The following C16orf78 variants were observed in gnomAD, a reference collection of about 807,000 sequenced individuals.
The protein encoded by C16orf78 is chromosome 16 open reading frame 78.
C16orf78 carries 19 observed loss-of-function variants against 27.3 expected under a neutral mutation model. That is an observed-to-expected ratio of 0.70 (90% CI 0.49 to 1.02). The LOEUF (loss-of-function observed/expected upper bound fraction) is 1.02. C16orf78 is among the 50% of genes least tolerant of loss of function. The pLI is 0.00. For missense variants in C16orf78, 339 were observed against 337.0 expected (o/e 1.01, Z -0.05); for synonymous variants, 130 against 116.1 (o/e 1.12, Z -0.77).
At chr16:49,388,665 C>T (rs969979637) in intron 3 of C16orf78, among the ~76,000 whole-genome samples, 1 of 152,140 alleles carries the variant, frequency 6.6e-6, no homozygotes, top group African/African-American at 2.4e-5. Flanking sequence ...GTGCACGCCA[C>T]CATGGCCAGC....
rs1965240320 is a variant in C16orf78 at position 49,377,859 on chromosome 16, G to A, written c.270+9G>A. 1.9e-6 allele frequency: 3 copies of A among 1,563,240 alleles called. No homozygotes were observed. Among genetic ancestry groups the A allele is most frequent in the Admixed American group, 1.9e-5 (1 of 52,820 alleles). On this transcript the variant is annotated intron_variant, in intron 2 of 4. Coordinates refer to ENST00000299191, the MANE Select transcript of C16orf78 (RefSeq NM_144602.4). ...CGGAGACTTCCCAGCAGGTAATGCA[G>A]CCCCTCTTCCCCCACTCACCCCCAC...
At chr16:49,378,433 G>T in intron 2 of C16orf78, 37 bp from the exon 3 acceptor site, 1 of 1,546,504 alleles carries the variant, frequency 6.5e-7, no homozygotes, top group Non-Finnish European at 8.7e-7. Context: ...GCCAGGTCCT[G>T]TAACTGGGGT....
At chr16:49,392,834 C>CT (rs1361712098) in intron 3 of C16orf78, among the ~76,000 whole-genome samples, 1 of 152,154 alleles carries the variant, frequency 6.6e-6, no homozygotes, top group East Asian at 1.9e-4. Flanking sequence ...TGTCCCCACC[C>CT]AAACCTCATC....
At chr16:49,376,399 G>A (rs1022108774) in intron 1 of C16orf78, among the ~76,000 whole-genome samples, 1 of 152,224 alleles carries the variant, frequency 6.6e-6, no homozygotes, top group Admixed American at 6.5e-5. Flanking sequence ...AATGGGGGCT[G>A]TGTGGGGAGC....
chr16:49,386,823 A>G (rs1304411810), intron 3 of C16orf78, among the ~76,000 whole-genome samples: 3 of 152,200 alleles, frequency 2.0e-5, no homozygotes, highest in South Asian at 2.1e-4. Context: ...TATATGTACC[A>G]TATTTTCTTT....
chr16:49,386,818 G>A (rs941920412), intron 3 of C16orf78, among the ~76,000 whole-genome samples: 1 of 152,136 alleles, frequency 6.6e-6, no homozygotes. Context: ...TGGTGTATAT[G>A]TACCATATTT....
At chr16:49,383,375 A>G (rs1965310559) in intron 3 of C16orf78, among the ~76,000 whole-genome samples, 2 of 152,228 alleles carry the variant, frequency 1.3e-5, no homozygotes, top group African/African-American at 4.8e-5. Flanking sequence ...CACCATGCCC[A>G]ATGTTAGCTT....
rs368241343 is a variant in C16orf78, at chr16:49,373,954, A to G, written c.15A>G (p.Gln5=). 2.0e-5 allele frequency: 32 copies of G among 1,614,150 alleles called. No homozygotes were observed. The African/African-American group carries it at 3.2e-4, about 16-fold the overall frequency. ...AAGACTCCACAATGTCAGAGCAACA[A>G]ATGGACCTGAAGGATTTAATGCCCA... is the stretch of plus-strand genomic sequence containing the variant. The part of the protein sequence containing the change: MSEQ[Q]MDLKDLMPTK... Residue 5 remains glutamine (Q), a synonymous_variant, in exon 1 of 5, where the codon CAA becomes CAG. Transcript: ENST00000299191.
intron 3 of C16orf78, among the ~76,000 whole-genome samples, chr16:49,392,136 T>C (rs1283589836): frequency 1.3e-5 from 2 of 152,142 alleles, no homozygotes; most frequent in Admixed American, 1.3e-4. Flanking sequence ...ACTTTGTTGA[T>C]GAAATCTTAC....
intron 1 of C16orf78, 49 bp from the exon 2 acceptor site, chr16:49,377,681 TG>T: frequency 6.3e-7 from 1 of 1,577,732 alleles, no homozygotes; most frequent in African/African-American, 1.3e-5. Context: ...AGGGAGGGGA[TG>T]CTGTCCCCAC....
At chr16:49,392,702 C>A (rs1049942525) in intron 3 of C16orf78, among the ~76,000 whole-genome samples, 3 of 152,056 alleles carry the variant, frequency 2.0e-5, no homozygotes, top group African/African-American at 7.2e-5. Context: ...TATTTTATTT[C>A]GACTTTTAGG....
intron 3 of C16orf78, among the ~76,000 whole-genome samples, chr16:49,394,844 A>T (rs961101846): frequency 3.9e-5 from 6 of 152,094 alleles, no homozygotes; most frequent in African/African-American, 1.4e-4. Flanking sequence ...GGTATACTAG[A>T]CAACTATAGT....
Position 49,396,693 on chromosome 16 carries a change from C to T in C16orf78, c.650+15C>T. The T allele has an allele frequency of 6.2e-7, 1 of 1,601,724 alleles. No individual in the cohort carries two copies. Among genetic ancestry groups the T allele is most frequent in the Non-Finnish European group, 8.5e-7 (1 of 1,179,056 alleles). ...CTGAGCTGCCGGTGAGAGCTGCCAC[C>T]CCCTGGGCAGATGGGGTGGGGTCCT... On this transcript the variant is annotated intron_variant, in intron 4 of 4. Coordinates refer to ENST00000299191, the MANE Select transcript of C16orf78 (RefSeq NM_144602.4).
intron 3 of C16orf78, among the ~76,000 whole-genome samples, chr16:49,394,689 T>TG (rs1965449924): frequency 6.6e-6 from 1 of 152,036 alleles, no homozygotes; most frequent in African/African-American, 2.4e-5. Context: ...AGAGGGTCTG[T>TG]CAAATGTAAT....
chr16:49,378,068 A>C lies in C16orf78; in HGVS notation c.270+218A>C, dbSNP rs113763665. On this transcript the variant is annotated intron_variant, in intron 2 of 4. Transcript: ENST00000299191. ...GCCTCCCTGTAGTTTCATTCTTCAC[A>C]CGTGTCACATCCTCCCTTGCCCACA... Among the ~76,000 whole-genome samples the C allele has an allele frequency of 8.7e-4, 133 of 152,242 alleles. 2 individuals are homozygous for C. The highest frequency in any genetic ancestry group is 3.4e-3 in the Middle Eastern group (1 of 294).
chr16:49,377,622 T>C (rs1965235447), intron 1 of C16orf78, 109 bp from the exon 2 acceptor site: 2 of 1,375,288 alleles, frequency 1.5e-6, no homozygotes, highest in African/African-American at 2.9e-5. Flanking sequence ...TGCTGAAGCC[T>C]GTGGAGGGGA....
At chr16:49,394,633 G>GA (rs1965449199) in intron 3 of C16orf78, among the ~76,000 whole-genome samples, 1 of 151,556 alleles carries the variant, frequency 6.6e-6, no homozygotes, top group African/African-American at 2.4e-5. Context: ...TTAAAATCAG[G>GA]AAAAAAATGA....
intron 3 of C16orf78, among the ~76,000 whole-genome samples, chr16:49,394,015 A>G (rs998457728): frequency 6.6e-6 from 1 of 152,130 alleles, no homozygotes; most frequent in East Asian, 1.9e-4. Flanking sequence ...CAAAATTGGT[A>G]CAATATAGAG....
intron 3 of C16orf78, among the ~76,000 whole-genome samples, chr16:49,381,977 C>A (rs368749401): frequency 1.3e-5 from 2 of 149,336 alleles, no homozygotes; most frequent in East Asian, 2.0e-4. Flanking sequence ...ATGTTTATTG[C>A]GGCATTATTC....
Sources: gnomAD v4.1 joint callset for allele counts (sites outside exome capture counted in the v4.1 genomes callset) on GRCh38, gnomAD v4.1.1 for gene constraint, MANE v1.5 for transcripts, NCBI Gene and HGNC (gene_info 2026-07-23, HGNC 2026-07-21) for gene names.